VARS2: variants seen among roughly 807,000 people sequenced by gnomAD.
VARS2 encodes the protein valyl-tRNA synthetase 2, mitochondrial.
A neutral mutation model predicts 154.1 loss-of-function variants in VARS2; 105 were observed. The ratio of observed to expected loss-of-function variants is 0.68; its 90% confidence interval spans 0.58 to 0.80. VARS2 has a LOEUF of 0.80. Among genes scored for constraint, VARS2 ranks in the 30% least tolerant of loss-of-function variants. VARS2 has a pLI of 0.00. For synonymous variants in VARS2, 483 were observed against 539.5 expected (o/e 0.90, Z 1.45); for missense variants, 1,157 against 1,361.4 (o/e 0.85, Z 2.36).
intron 4 of VARS2, 46 bp downstream of exon 4, chr6:30,915,501 G>C: frequency 6.3e-7 from 1 of 1,580,952 alleles, no homozygotes; most frequent in Non-Finnish European, 8.7e-7. Flanking sequence ...CCAGGACAGA[G>C]TGGCCCTTGA....
rs1273152286 is a variant in VARS2 at position 30,923,346 on chromosome 6, C to A, written c.2314-7C>A. 1 of 1,608,706 alleles carries A rather than the reference C, an allele frequency of 6.2e-7. No individual in the cohort carries two copies. Among genetic ancestry groups the A allele is most frequent in the Non-Finnish European group, 8.5e-7 (1 of 1,176,858 alleles). ...GAGTCAGGCCATCCTGCCCCCTCTG[C>A]CTGCAGCTGTCTCCCTCCTCCCCGA... On this transcript the variant is annotated splice_region_variant and splice_polypyrimidine_tract_variant and intron_variant, in intron 24 of 29. Transcript: ENST00000676266.
In VARS2 at chr6:30,918,824, C is replaced by T; in HGVS notation, c.986-3C>T. ...CTGTAAGTGTTTAAATGTTTATCTT[C>T]AGATGCAGAGGTTGTGGTAGGAACC... On this transcript the variant is annotated splice_polypyrimidine_tract_variant and splice_region_variant and intron_variant, in intron 10 of 29. Coordinates refer to ENST00000676266, the MANE Select transcript of VARS2 (RefSeq NM_020442.6). 1 of 1,612,870 alleles carries T rather than the reference C, an allele frequency of 6.2e-7. No homozygotes were observed. The highest frequency in any genetic ancestry group is 8.5e-7 in the Non-Finnish European group (1 of 1,179,912).
At position 30,921,753 on chromosome 6, in the gene VARS2, G is replaced by C; in HGVS notation, c.1735+62G>C. The C allele has an allele frequency of 6.5e-7, 1 of 1,532,830 alleles. No individual in the cohort carries two copies. The highest frequency in any genetic ancestry group is 8.8e-7 in the Non-Finnish European group (1 of 1,132,354). 95.0% of individuals were successfully genotyped at this position (1,532,830 alleles called of 1,614,324 possible). A position where few individuals can be genotyped will look rare whatever the true frequency, so the allele number is the denominator to read the frequency against. On this transcript the variant is annotated intron_variant, in intron 18 of 29. Transcript: ENST00000676266. The surrounding 1 kb of genome is among the most constrained non-coding windows in gnomAD (Gnocchi z 4.6). Reference sequence around the variant, plus strand: ...CGGGGGCCTGGGCATCTGGGCCTTTGAGGGGAACAGATCCCAAGATACAGA... The same window carrying C: ...CGGGGGCCTGGGCATCTGGGCCTTTCAGGGGAACAGATCCCAAGATACAGA...
chr6:30,923,062 G>C, intron 23 of VARS2, 42 bp from the exon 24 acceptor site: 1 of 1,609,842 alleles, frequency 6.2e-7, no homozygotes, highest in Non-Finnish European at 8.5e-7. Context: ...TTCTGGTGCT[G>C]CTGCCACCTA....
Position 30,916,997 on chromosome 6 carries a change from C to T in VARS2, c.753+38C>T, listed in dbSNP as rs959475546. On this transcript the variant is annotated intron_variant, in intron 8 of 29. Transcript: ENST00000676266. The surrounding 1 kb of genome is among the most constrained non-coding windows in gnomAD (Gnocchi z 4.0). ...TGCCTTGGTCCCTGTGAGTGATGGG[C>T]GATGTTTAGGGATCTGTGTGGGGCA... 12 of 1,613,234 alleles carry T rather than the reference C, an allele frequency of 7.4e-6. No individual in the cohort carries two copies. Among genetic ancestry groups the T allele is most frequent in the East Asian group, 2.2e-5 (1 of 44,866 alleles).
chr6:30,922,361 T>G lies in VARS2; in HGVS notation c.1933-89T>G, dbSNP rs765429505. On this transcript the variant is annotated intron_variant, in intron 20 of 29. Transcript: ENST00000676266. ...TGCTGATTCCTTTTTCCTAATTCAC[T>G]TCCTACCCTACCCCCAAAAGTATGG... 2.5e-6 allele frequency: 4 copies of G among 1,604,428 alleles called. No individual in the cohort carries two copies. The African/African-American group carries it at 5.4e-5, about 22-fold the overall frequency.
At chr6:30,925,241 C>T (rs769679393) in intron 26 of VARS2, 33 bp from the exon 27 acceptor site, 1 of 1,568,300 alleles carries the variant, frequency 6.4e-7, no homozygotes, top group Non-Finnish European at 8.7e-7. Flanking sequence ...CCCAGGAGCC[C>T]CTTTGCCAAT....
At position 30,926,240 on chromosome 6, in the gene VARS2, T is replaced by C. The variant is rs1457421961; in HGVS notation, c.*30T>C. ...TCATCCCCATCAGTTTTCCTCCCTC[T>C]CAGACCTGTCTTTGAGGACAAACAG... is the stretch of plus-strand genomic sequence containing the variant. On this transcript the variant is annotated 3_prime_UTR_variant, in exon 30 of 30. Coordinates refer to ENST00000676266, the MANE Select transcript of VARS2 (RefSeq NM_020442.6). 6 of 1,605,458 alleles carry C rather than the reference T, an allele frequency of 3.7e-6. No individual in the cohort carries two copies. In the South Asian group the frequency reaches 5.5e-5, roughly 15 times the overall value.
rs1283635931 is a variant in VARS2 at position 30,920,677 on chromosome 6, G to A, written c.1407G>A (p.Gly469=). 1 of 1,593,140 alleles carries A rather than the reference G, an allele frequency of 6.3e-7. No individual in the cohort carries two copies. The highest frequency in any genetic ancestry group is 1.3e-5 in the African/African-American group (1 of 74,528). ...CCTGTCTCTCTTTCAGCCGTTCTGG[G>A]GATGTGATAGAATACCTGCTGAAGA... ...PMVLPICSRS[G]DVIEYLLKNQ... is the part of the protein sequence containing the mutation. The change falls in exon 15 of 30, where the codon GGG becomes GGA. Residue 469 remains glycine, a synonymous_variant. Transcript: ENST00000676266. The surrounding 1 kb of genome is among the most constrained non-coding windows in gnomAD (Gnocchi z 4.6).
In VARS2 at chr6:30,916,839, T is replaced by C; in HGVS notation, c.672-39T>C. On this transcript the variant is annotated intron_variant, in intron 7 of 29. Transcript: ENST00000676266. This position sits in a 1 kb window ranked among gnomAD's most constrained non-coding sequence, Gnocchi z 4.0. ...GCTGGGCCTGGTACATAGGAAGTGC[T>C]TGGGAAGTGTTTGCTGACAAGGATC... 6.2e-7 allele frequency: 1 copy of C among 1,610,204 alleles called. No individual in the cohort carries two copies. The highest frequency in any genetic ancestry group is 1.1e-5 in the South Asian group (1 of 91,002).
chr6:30,914,432 G>A (rs984670003), intron 1 of VARS2, 88 bp downstream of exon 1: 1 of 1,271,962 alleles, frequency 7.9e-7, no homozygotes, highest in Non-Finnish European at 9.9e-7. Context: ...AGGCTTGGCC[G>A]CGCCGGGCTG....
In VARS2 at chr6:30,923,372, T is replaced by A. The variant is rs2150566618; in HGVS notation, c.2333T>A (p.Met778Lys). The change falls in exon 25 of 30, where the codon ATG (methionine) becomes AAG (lysine). Residue 778 changes from methionine to lysine, a missense_variant. Met to Lys is a moderately conservative substitution (Grantham distance 95). Coordinates refer to ENST00000676266, the MANE Select transcript of VARS2 (RefSeq NM_020442.6). ...PAEELSPSSP[M>K]DAWILSRLAL... ...CTGCAGCTGTCTCCCTCCTCCCCGA[T>A]GGATGCCTGGATCCTGAGCCGCCTT... 1 of 1,611,286 alleles carries A rather than the reference T, an allele frequency of 6.2e-7. No homozygotes were observed. Among genetic ancestry groups the A allele is most frequent in the Non-Finnish European group, 8.5e-7 (1 of 1,179,108 alleles).
Position 30,920,888 on chromosome 6 carries a change from G to C in VARS2, c.1479+139G>C, listed in dbSNP as rs944474515. 1 of 1,088,032 alleles carries C rather than the reference G, an allele frequency of 9.2e-7. No homozygotes were observed. Among genetic ancestry groups the C allele is most frequent in the African/African-American group, 1.6e-5 (1 of 62,686 alleles). 67.4% of individuals were successfully genotyped at this position (1,088,032 alleles called of 1,614,324 possible). A position where few individuals can be genotyped will look rare whatever the true frequency, so the allele number is the denominator to read the frequency against. ...GGTAACTGAGAGGATGTGTGGGATG[G>C]AGGCTGGGCGGCCCAGCAAGGGCTG... On this transcript the variant is annotated intron_variant, in intron 15 of 29. Coordinates refer to ENST00000676266, the MANE Select transcript of VARS2 (RefSeq NM_020442.6). The surrounding 1 kb of genome is among the most constrained non-coding windows in gnomAD (Gnocchi z 4.6).
Position 30,916,193 on chromosome 6 carries a change from G to A in VARS2, c.615G>A (p.Arg205=). The A allele has an allele frequency of 6.2e-7, 1 of 1,614,026 alleles. No individual in the cohort carries two copies. Among genetic ancestry groups the A allele is most frequent in the Non-Finnish European group, 8.5e-7 (1 of 1,179,948 alleles). ...EKQLWKERGV[R]RHELSREAFL... ...AACTGTGGAAGGAACGGGGAGTGAG[G>A]AGACATGAGCTGAGCCGGGAGGCCT... The change falls in exon 7 of 30, where the codon AGG becomes AGA. Residue 205 remains arginine, a synonymous_variant. Coordinates refer to ENST00000676266, the MANE Select transcript of VARS2 (RefSeq NM_020442.6). The surrounding 1 kb of genome is among the most constrained non-coding windows in gnomAD (Gnocchi z 4.0).
At chr6:30,923,872 G>T (rs1582201248) in intron 25 of VARS2, 1 of 371,170 alleles carries the variant, frequency 2.7e-6, no homozygotes, top group East Asian at 5.5e-5. Context: ...TAGACCAGGG[G>T]TTCTCACGCT....
Position 30,926,118 on chromosome 6 carries a change from C to A in VARS2, c.3100C>A (p.Leu1034Ile). ...GTQRQQKLSS[L>I]QLELSKLDKA... The stretch of plus-strand genomic sequence containing the variant: ...TTTTCTCCTCGTCCAGCTTTCTTCC[C>A]TCCAGCTGGAATTGTCAAAACTGGA... The change falls in exon 30 of 30, where the codon CTC becomes ATC. Residue 1034 changes from leucine (L) to isoleucine (I), a missense_variant. Physicochemically the swap from Leu to Ile is conservative, Grantham distance 5. Coordinates refer to ENST00000676266, the MANE Select transcript of VARS2 (RefSeq NM_020442.6). 1 of 1,613,134 alleles carries A rather than the reference C, an allele frequency of 6.2e-7. No individual in the cohort carries two copies. Among genetic ancestry groups the A allele is most frequent in the South Asian group, 1.1e-5 (1 of 91,084 alleles).
At position 30,919,724 on chromosome 6, in the gene VARS2, G is replaced by T. The variant is rs777630230; in HGVS notation, c.1075-34G>T. 1.3e-6 allele frequency: 2 copies of T among 1,505,156 alleles called. No individual in the cohort carries two copies. The highest frequency in any genetic ancestry group is 1.8e-6 in the Non-Finnish European group (2 of 1,118,998). The allele number at this position is 1,505,156 out of a possible 1,614,324, so 93.2% of individuals were successfully genotyped here. A position where few individuals can be genotyped will look rare whatever the true frequency, so the allele number is the denominator to read the frequency against. On this transcript the variant is annotated intron_variant, in intron 11 of 29. Coordinates refer to ENST00000676266, the MANE Select transcript of VARS2 (RefSeq NM_020442.6). This position sits in a 1 kb window ranked among gnomAD's most constrained non-coding sequence, Gnocchi z 4.5. ...GCCCAGACCCTTCCAACCCTCACAGGTGCCTGTCCTTGATCCCTCTCCCTT... is the reference window on the plus strand; with the variant it reads ...GCCCAGACCCTTCCAACCCTCACAGTTGCCTGTCCTTGATCCCTCTCCCTT...
In VARS2 at chr6:30,919,058, C is replaced by T. The variant is rs909070350; in HGVS notation, c.1074+143C>T. On this transcript the variant is annotated intron_variant, in intron 11 of 29. Coordinates refer to ENST00000676266, the MANE Select transcript of VARS2 (RefSeq NM_020442.6). This position sits in a 1 kb window ranked among gnomAD's most constrained non-coding sequence, Gnocchi z 4.5. ...TCAGTGGTTCTGATTGGACTCCCTC[C>T]TCCTCTTATAGTTTTTCTGTAGCTC... The T allele has an allele frequency of 1.4e-6, 1 of 719,004 alleles. No individual in the cohort carries two copies. The highest frequency in any genetic ancestry group is 2.3e-6 in the Non-Finnish European group (1 of 433,042). 44.5% of individuals were successfully genotyped at this position (719,004 alleles called of 1,614,324 possible).
rs576418619 is a variant in VARS2, at chr6:30,923,650, C to CCCTCTT, written c.2466+149_2466+154dup. 187 of 1,258,690 alleles carry CCCTCTT rather than the reference C, an allele frequency of 1.5e-4. 2 individuals carry two copies. The East Asian group carries it at 4.5e-3, about 30-fold the overall frequency. 78.0% of individuals were successfully genotyped at this position (1,258,690 alleles called of 1,614,324 possible). On this transcript the variant is annotated intron_variant, in intron 25 of 29. Transcript: ENST00000676266. ...AGAGGAGACGAGGGAGTCTCAGTTC[C>CCCTCTT]CCTCTTCCTGGGACTGGTTTTGGCA...
Sources: gnomAD v4.1 joint callset for allele counts on GRCh38, gnomAD v4.1.1 for gene constraint, Gnocchi (gnomAD v3.1) non-coding constraint, MANE v1.5 for transcripts, NCBI Gene and HGNC (gene_info 2026-07-23, HGNC 2026-07-21) for gene names.